GINS4: variants seen among roughly 807,000 people sequenced by gnomAD.
GINS4 encodes GINS complex subunit 4, also known as DNA replication complex GINS protein SLD5.
In GINS4, 20 loss-of-function variants were observed where a neutral mutation model predicts 31.1. The ratio of observed to expected loss-of-function variants is 0.64; its 90% CI spans 0.45 to 0.93. The LOEUF (loss-of-function observed/expected upper bound fraction) is 0.93, where lower values mean the gene tolerates loss of function less well. GINS4 is among the 40% of genes least tolerant of loss of function. GINS4 has a pLI of 0.00. For missense variants in GINS4, 245 were observed against 273.9 expected, an observed-to-expected ratio of 0.89 and a Z score of 0.75; for synonymous variants, 85 against 97.9, an observed-to-expected ratio of 0.87 and a Z score of 0.78.
At chr8:41,532,488 T>G (rs1459399042) in intron 2 of GINS4, among the ~76,000 whole-genome samples, 1 of 151,994 alleles carries the variant, frequency 6.6e-6, no homozygotes, top group Non-Finnish European at 1.5e-5. Context: ...CCCAGGAGTT[T>G]GAGACCATCC....
At position 41,541,908 on chromosome 8, in the gene GINS4, C is replaced by T. The variant is rs201868897; in HGVS notation, c.575+9C>T. The T allele has an allele frequency of 1.5e-4, 236 of 1,613,022 alleles. No individual in the cohort carries two copies. Among genetic ancestry groups the T allele is most frequent in the Admixed American group, 1.3e-4 (8 of 60,006 alleles). ...GACACAGATGAGCAGAGGTGAGTGG[C>T]GTGCATCTTTCACAGTGGGCACATT... On this transcript the variant is annotated intron_variant, in intron 7 of 7. Coordinates refer to ENST00000276533, the MANE Select transcript of GINS4 (RefSeq NM_032336.3).
chr8:41,529,960 G>A, intron 1 of GINS4: 3 of 480,646 alleles, frequency 6.2e-6, no homozygotes, highest in South Asian at 2.6e-5. Flanking sequence ...TTGGTGGACA[G>A]AAGTAAGGGG....
chr8:41,540,159 C>T (rs951301480), intron 6 of GINS4, among the ~76,000 whole-genome samples, 155 bp downstream of exon 6: 14 of 152,184 alleles, frequency 9.2e-5, no homozygotes, highest in African/African-American at 1.7e-4. Flanking sequence ...AAAAAAATCA[C>T]GGAAAGCAGA....
Position 41,543,726 on chromosome 8 carries a change from C to T in GINS4, c.*1639C>T, listed in dbSNP as rs1056176170. The T allele has an allele frequency of 3.3e-5, 5 of 150,274 alleles. No homozygotes were observed. Among genetic ancestry groups the T allele is most frequent in the African/African-American group, 9.8e-5 (4 of 40,846 alleles). The allele number at this position is 150,274 out of a possible 1,614,324, so 9.3% of individuals were successfully genotyped here. ...TCTTTTTTTTTTTTCTTTTTTGAGA[C>T]GGAGTTTCCCTCTTGTTACCCAGGC... On this transcript the variant is annotated 3_prime_UTR_variant, in exon 8 of 8. Coordinates refer to ENST00000276533, the MANE Select transcript of GINS4 (RefSeq NM_032336.3).
chr8:41,535,100 G>C (rs1301154817), intron 2 of GINS4, among the ~76,000 whole-genome samples: 3 of 152,084 alleles, frequency 2.0e-5, no homozygotes, highest in Non-Finnish European at 4.4e-5. Context: ...CACTTTGAGA[G>C]GCCAAGGCAG....
chr8:41,537,425 A>G (rs377276120), intron 4 of GINS4, 132 bp downstream of exon 4: 6 of 625,968 alleles, frequency 9.6e-6, no homozygotes, highest in Admixed American at 2.7e-5. Context: ...CCCAATATCC[A>G]TGTAGCTAAA....
chr8:41,534,277 T>G (rs900116860), intron 2 of GINS4: 1 of 427,788 alleles, frequency 2.3e-6, no homozygotes, highest in Admixed American at 2.5e-5. Flanking sequence ...CTTTGTGGTA[T>G]GTACCTTTAG....
rs1482737023 is a variant in GINS4, at chr8:41,529,761, A to G, written c.-20+365A>G. On this transcript the variant is annotated intron_variant, in intron 1 of 7. Coordinates refer to ENST00000276533, the MANE Select transcript of GINS4 (RefSeq NM_032336.3). ...CTCCTAATAATGTTAAGTGCTTGCT[A>G]GGAGTCAAGCGCTGTGCTGAGCGCA... The G allele has an allele frequency of 1.9e-5, 3 of 154,472 alleles. No homozygotes were observed. In the Admixed American group the frequency reaches 1.9e-4, roughly 10 times the overall value. The allele number at this position is 154,472 out of a possible 1,614,324, so 9.6% of individuals were successfully genotyped here.
chr8:41,538,883 G>T (rs1259018480), intron 4 of GINS4, among the ~76,000 whole-genome samples: 2 of 151,602 alleles, frequency 1.3e-5, no homozygotes, highest in Non-Finnish European at 2.9e-5. Flanking sequence ...TTTTAGAAGA[G>T]ACAGGGTTTC....
intron 2 of GINS4, among the ~76,000 whole-genome samples, chr8:41,531,070 C>T (rs980614711): frequency 1.3e-5 from 2 of 152,088 alleles, no homozygotes; most frequent in South Asian, 2.1e-4. Context: ...TCCAGGAGTT[C>T]GAGACCAGCC....
In GINS4 at chr8:41,544,005, C is replaced by G. The variant is rs903249904; in HGVS notation, c.*1918C>G. On this transcript the variant is annotated 3_prime_UTR_variant, in exon 8 of 8. Transcript: ENST00000276533. Reference sequence around the variant, plus strand: ...TATAGGCGTGAGCCACTGCGCACGGCCTGGGGAGGTTTTATTTCTTGACAA... The same window carrying G: ...TATAGGCGTGAGCCACTGCGCACGGGCTGGGGAGGTTTTATTTCTTGACAA... 4 of 152,194 alleles carry G rather than the reference C, an allele frequency of 2.6e-5. No individual in the cohort carries two copies. The highest frequency in any genetic ancestry group is 2.0e-4 in the Admixed American group (3 of 15,272). 9.4% of individuals were successfully genotyped at this position (152,194 alleles called of 1,614,324 possible).
chr8:41,531,321 C>T (rs1310585850), intron 2 of GINS4, among the ~76,000 whole-genome samples: 1 of 152,090 alleles, frequency 6.6e-6, no homozygotes, highest in Non-Finnish European at 1.5e-5. Flanking sequence ...GTGTCTATGT[C>T]CTGGAGTTTT....
At chr8:41,540,585 C>T (rs567287831) in intron 6 of GINS4, among the ~76,000 whole-genome samples, 92 of 152,246 alleles carry the variant, frequency 6.0e-4, no homozygotes, top group Middle Eastern at 3.4e-3. Context: ...TGAGGGCTGC[C>T]GAGCAAGGAA....
intron 6 of GINS4, among the ~76,000 whole-genome samples, chr8:41,541,549 C>T (rs1245995021): frequency 1.3e-5 from 2 of 152,132 alleles, no homozygotes; most frequent in African/African-American, 4.8e-5. Context: ...GCCCATAACA[C>T]CAGGAGCAAG....
intron 2 of GINS4, among the ~76,000 whole-genome samples, chr8:41,531,494 C>T (rs992449769): frequency 9.9e-5 from 15 of 152,186 alleles, no homozygotes; most frequent in Non-Finnish European, 7.3e-5. Context: ...CTTCATTCTT[C>T]CCTGCCATAC....
At chr8:41,541,512 G>A (rs996899243) in intron 6 of GINS4, among the ~76,000 whole-genome samples, 8 of 152,178 alleles carry the variant, frequency 5.3e-5, no homozygotes, top group Non-Finnish European at 7.3e-5. Context: ...GGGCTTCAGC[G>A]TATGAATTGT....
intron 2 of GINS4, among the ~76,000 whole-genome samples, chr8:41,530,852 T>C (rs1037158247): frequency 1.3e-5 from 2 of 152,260 alleles, no homozygotes; most frequent in African/African-American, 2.4e-5. Flanking sequence ...TTTACACTTA[T>C]ATCTCATGAT....
Position 41,530,201 on chromosome 8 carries a change from A to T in GINS4, c.-2A>T. 6.2e-7 allele frequency: 1 copy of T among 1,610,974 alleles called. No homozygotes were observed. The highest frequency in any genetic ancestry group is 1.3e-5 in the African/African-American group (1 of 74,966). ...CTCATTAGGTTCCTGGTTTCAGAGA[A>T]GATGACCGAAGAAGTGGATTTCCTG... On this transcript the variant is annotated 5_prime_UTR_variant, in exon 2 of 8. In the 5' UTR this introduces an upstream ATG that the reference lacks. Coordinates refer to ENST00000276533, the MANE Select transcript of GINS4 (RefSeq NM_032336.3).
intron 2 of GINS4, among the ~76,000 whole-genome samples, chr8:41,530,711 CAT>C (rs779311640): frequency 1.9e-3 from 293 of 152,274 alleles, no homozygotes; most frequent in Non-Finnish European, 2.2e-3. Flanking sequence ...CTTTTTCTCA[CAT>C]GTTTTTTCTT....
Sources: allele counts gnomAD v4.1 joint callset (sites outside exome capture counted in the v4.1 genomes callset), GRCh38; gene constraint gnomAD v4.1.1; transcripts MANE v1.5; gene names NCBI Gene and HGNC (gene_info 2026-07-23, HGNC 2026-07-21).